The following WDHD1 variants were observed in gnomAD, a reference collection of about 807,000 sequenced individuals.
The protein encoded by WDHD1 is WD repeat and HMG-box DNA binding protein 1, also known as WD repeat and HMG-box DNA-binding protein 1.
A neutral mutation model predicts 135.4 loss-of-function variants in WDHD1; 111 were observed. That is an observed-to-expected ratio of 0.82 (90% CI 0.70 to 0.96). The LOEUF is 0.96. WDHD1 is among the 40% of genes least tolerant of loss of function. WDHD1 has a pLI of 0.00. For missense variants in WDHD1, 1,351 were observed against 1,336.3 expected, an observed-to-expected ratio of 1.01 and a Z score of -0.17; for synonymous variants, 434 against 439.0, an observed-to-expected ratio of 0.99 and a Z score of 0.14.
In WDHD1 at chr14:54,966,558, C is replaced by A; in HGVS notation, c.2227G>T (p.Ala743Ser). ...VIFHNHLDYL[A>S]KNGYEYEEST... ...TCTTCATATTCATAACCATTTTTAGCTAAATAATCAAGGTGGTTGTGAAAT... is the reference window on the plus strand; with the variant it reads ...TCTTCATATTCATAACCATTTTTAGATAAATAATCAAGGTGGTTGTGAAAT... Residue 743 changes from alanine (A) to serine (S), a missense_variant, in exon 18 of 26, where the codon GCT (alanine) becomes TCT (serine). Physicochemically the swap from Ala to Ser is moderately conservative, Grantham distance 99. Coordinates refer to ENST00000360586, the MANE Select transcript of WDHD1 (RefSeq NM_007086.4). 6.2e-7 allele frequency: 1 copy of A among 1,607,374 alleles called. No homozygotes were observed.
chr14:54,995,535 A>ATAGT (rs2041863316), intron 11 of WDHD1, 68 bp downstream of exon 11: 1 of 1,220,510 alleles, frequency 8.2e-7, no homozygotes, highest in African/African-American at 1.5e-5. Context: ...AATGACTTTA[A>ATAGT]TAGTGTTAAT....
At position 54,963,111 on chromosome 14, in the gene WDHD1, T is replaced by C. The variant is rs371965821; in HGVS notation, c.2372A>G (p.Asn791Ser). The C allele has an allele frequency of 2.6e-6, 4 of 1,537,292 alleles. No individual in the cohort carries two copies. The highest frequency in any genetic ancestry group is 2.6e-6 in the Non-Finnish European group (3 of 1,135,720). Residue 791 changes from asparagine (N) to serine (S), a missense_variant, in exon 19 of 26, where the codon AAT becomes AGT. Asn to Ser is a conservative substitution (Grantham distance 46). This residue lies in a region of WDHD1 where 1,330 missense variants were observed against 1,296.1 expected (regional missense o/e 1.03). Transcript: ENST00000360586. The part of the protein sequence containing the change: ...CVELADLMTQ[N>S]AVNLAIKYAS... ...ATATTTAATGGCTAAATTCACAGCA[T>C]TTTGAGTCATTAGATCAGCAAGTTC...
intron 24 of WDHD1, among the ~76,000 whole-genome samples, chr14:54,948,125 C>T (rs539037822): frequency 3.6e-4 from 54 of 152,082 alleles, no homozygotes; most frequent in South Asian, 6.2e-4. Flanking sequence ...CCAGCATGAG[C>T]GATGCAGAAG....
intron 16 of WDHD1, among the ~76,000 whole-genome samples, chr14:54,972,287 A>C (rs1319361782): frequency 2.0e-5 from 3 of 150,842 alleles, no homozygotes; most frequent in Non-Finnish European, 4.4e-5. Context: ...CAAAAAAAAA[A>C]AAAAAAGTTG....
Position 54,967,348 on chromosome 14 carries a change from G to T in WDHD1, c.2110C>A (p.Pro704Thr), listed in dbSNP as rs1446883607. Residue 704 changes from proline (P) to threonine (T), a missense_variant, in exon 17 of 26, where the codon CCT becomes ACT. This residue lies in a region of WDHD1 where 1,330 missense variants were observed against 1,296.1 expected (regional missense o/e 1.03). Transcript: ENST00000360586. ...TTAAAGGATAATATAGCAACAGCAG[G>T]GCGTGGAAGGGTTGGGGGAAACCGA... is the stretch of plus-strand genomic sequence containing the variant. ...GSRFPPTLPR[P>T]AVAILSFKLP... The T allele has an allele frequency of 1.2e-6, 2 of 1,612,442 alleles. No homozygotes were observed. The highest frequency in any genetic ancestry group is 2.2e-5 in the East Asian group (1 of 44,812).
intron 2 of WDHD1, among the ~76,000 whole-genome samples, chr14:55,022,091 G>A (rs2042359011): frequency 6.6e-6 from 1 of 152,188 alleles, no homozygotes; most frequent in South Asian, 2.1e-4. Context: ...GACACCTTCA[G>A]TATTGAACTT....
chr14:54,971,213 C>T (rs1034938145), intron 16 of WDHD1, among the ~76,000 whole-genome samples: 2 of 152,114 alleles, frequency 1.3e-5, no homozygotes, highest in Non-Finnish European at 2.9e-5. Flanking sequence ...AAAGCAATTG[C>T]AACAAAAACA....
chr14:54,987,419 A>C (rs764139403), intron 13 of WDHD1, 32 bp from the exon 14 acceptor site: 64 of 1,583,208 alleles, frequency 4.0e-5, no homozygotes, highest in Non-Finnish European at 5.2e-5. Context: ...AAACAATCAA[A>C]CTTTCATATG....
At chr14:55,023,232 A>G (rs192660490) in intron 2 of WDHD1, among the ~76,000 whole-genome samples, 2 of 152,340 alleles carry the variant, frequency 1.3e-5, no homozygotes, top group Admixed American at 1.3e-4. Context: ...TCAGATAATG[A>G]CTTCACTTTT....
chr14:54,944,855 G>A (rs1411898255), intron 24 of WDHD1, among the ~76,000 whole-genome samples: 1 of 152,034 alleles, frequency 6.6e-6, no homozygotes, highest in Non-Finnish European at 1.5e-5. Context: ...TGATCTGCCC[G>A]CCTCGGCTTC....
chr14:54,991,953 G>T (rs1444411600), intron 11 of WDHD1, among the ~76,000 whole-genome samples: 3 of 152,180 alleles, frequency 2.0e-5, no homozygotes, highest in Non-Finnish European at 4.4e-5. Flanking sequence ...TGTTGCCAAT[G>T]ATAACATTTG....
At chr14:54,960,371 T>C (rs2041231725) in intron 21 of WDHD1, among the ~76,000 whole-genome samples, 1 of 151,742 alleles carries the variant, frequency 6.6e-6, no homozygotes, top group Non-Finnish European at 1.5e-5. Flanking sequence ...GGTTTCACTG[T>C]GTTCTTCAGG....
intron 7 of WDHD1, 43 bp from the exon 8 acceptor site, chr14:55,002,228 ATTGAAT>A: frequency 7.3e-7 from 1 of 1,377,360 alleles, no homozygotes; most frequent in South Asian, 1.3e-5. Flanking sequence ...TTTACATTAA[ATTGAAT>A]TTGAAGAAGG....
intron 23 of WDHD1, among the ~76,000 whole-genome samples, chr14:54,955,895 C>CGTTTTTT (rs1281053966): frequency 2.7e-5 from 3 of 110,096 alleles, no homozygotes; most frequent in Non-Finnish European, 3.6e-5. Flanking sequence ...CCATGTTTTC[C>CGTTTTTT]TTTTTTTTTT....
intron 14 of WDHD1, among the ~76,000 whole-genome samples, chr14:54,986,168 T>C (rs1160893085): frequency 6.6e-6 from 1 of 152,290 alleles, no homozygotes; most frequent in East Asian, 1.9e-4. Context: ...TATTTTGACC[T>C]AAGAGTCATG....
chr14:54,945,687 C>T (rs1462682118), intron 24 of WDHD1, among the ~76,000 whole-genome samples: 25 of 152,076 alleles, frequency 1.6e-4, no homozygotes, highest in Middle Eastern at 3.2e-3. Context: ...ACTACAGGTA[C>T]GCGCCACCAC....
intron 18 of WDHD1, among the ~76,000 whole-genome samples, chr14:54,965,299 G>C (rs945785089): frequency 6.6e-6 from 1 of 152,100 alleles, no homozygotes; most frequent in Non-Finnish European, 1.5e-5. Flanking sequence ...AACCTTGAGT[G>C]GGGACACAAG....
At chr14:54,991,617 CTG>C (rs2041791684) in intron 11 of WDHD1, among the ~76,000 whole-genome samples, 1 of 152,246 alleles carries the variant, frequency 6.6e-6, no homozygotes, top group African/African-American at 2.4e-5. Flanking sequence ...TGGCACCTAA[CTG>C]TATTAGTCGT....
At position 55,011,939 on chromosome 14, in the gene WDHD1, G is replaced by A. The variant is rs1595120949; in HGVS notation, c.190-1479C>T. 2.0e-5 allele frequency among the ~76,000 whole-genome samples: 3 copies of A among 151,752 alleles called. 1 individual carries two copies. The East Asian group carries it at 5.8e-4, about 29-fold the overall frequency. The stretch of plus-strand genomic sequence containing the variant: ...TTACTATCCTTTTCCACATAAACTT[G>A]AAAATAGCCAGAAATGACTGTGTAC... On this transcript the variant is annotated intron_variant, in intron 3 of 25. Coordinates refer to ENST00000360586, the MANE Select transcript of WDHD1 (RefSeq NM_007086.4).
Sources: allele counts gnomAD v4.1 joint callset (sites outside exome capture counted in the v4.1 genomes callset), GRCh38; gene constraint gnomAD v4.1.1; regional missense constraint gnomAD v4.1.1; transcripts MANE v1.5; gene names NCBI Gene and HGNC (gene_info 2026-07-23, HGNC 2026-07-21).